ABCB1: variants seen among roughly 807,000 people sequenced by gnomAD.
ABCB1 encodes ATP-dependent translocase ABCB1.
Under a neutral mutation model 142.0 loss-of-function variants are expected in ABCB1, and 69 were observed. The observed-to-expected ratio is 0.49, with a 90% confidence interval of 0.40 to 0.59. ABCB1 has a LOEUF of 0.59. Among genes scored for constraint, ABCB1 ranks in the 20% least tolerant of loss-of-function variants. The pLI is 0.00. For synonymous variants in ABCB1, 532 were observed against 539.2 expected, an observed-to-expected ratio of 0.99 and a Z score of 0.18; for missense variants, 1,326 against 1,554.7, an observed-to-expected ratio of 0.85 and a Z score of 2.47.
chr7:87,598,913 C>T (rs1434327824), intron 2 of ABCB1, among the ~76,000 whole-genome samples: 1 of 152,148 alleles, frequency 6.6e-6, no homozygotes, highest in Non-Finnish European at 1.5e-5. Context: ...AAATTAGCTA[C>T]TGAGGGGTTC....
chr7:87,563,456 C>T (rs1817657515), intron 7 of ABCB1: 1 of 441,270 alleles, frequency 2.3e-6, no homozygotes, highest in Non-Finnish European at 4.6e-6. Flanking sequence ...CATCAAAAAG[C>T]TTATCTACCA....
intron 21 of ABCB1, among the ~76,000 whole-genome samples, chr7:87,530,878 G>GAAAGA (rs1816023692): frequency 9.0e-6 from 1 of 111,314 alleles, no homozygotes; most frequent in African/African-American, 3.4e-5. Flanking sequence ...AGAAAGAAAA[G>GAAAGA]AAAGAAAAAG....
chr7:87,662,219 ATTG>A, intron 1 of ABCB1, among the ~76,000 whole-genome samples: 1 of 152,046 alleles, frequency 6.6e-6, no homozygotes, highest in East Asian at 1.9e-4. Context: ...CACTTTGTTG[ATTG>A]TTTACTTTGC....
At chr7:87,706,520 A>G (rs536274160) in intron 1 of ABCB1, among the ~76,000 whole-genome samples, 28 of 152,334 alleles carry the variant, frequency 1.8e-4, no homozygotes, top group Non-Finnish European at 2.9e-4. Flanking sequence ...ATAAAAGTTG[A>G]ATAAAATATG....
At position 87,541,457 on chromosome 7, in the gene ABCB1, G is replaced by A. The variant is rs769508094; in HGVS notation, c.2219C>T (p.Thr740Ile). 1.4e-5 allele frequency: 22 copies of A among 1,595,742 alleles called. No individual in the cohort carries two copies. The highest frequency in any genetic ancestry group is 1.8e-5 in the Non-Finnish European group (21 of 1,163,438). ...TTTTGTTTCAGGATCATCAATTCTTGTAAAAACCTGTGAGAAAACATTTAA... is the reference window on the plus strand; with the variant it reads ...TTTTGTTTCAGGATCATCAATTCTTATAAAAACCTGTGAGAAAACATTTAA... ...IIFSKIIGVF[T>I]RIDDPETKRQ... Residue 740 changes from threonine (T) to isoleucine (I), a missense_variant, in exon 18 of 28, where the codon ACA becomes ATA. Coordinates refer to ENST00000622132, the MANE Select transcript of ABCB1 (RefSeq NM_001348946.2).
intron 1 of ABCB1, among the ~76,000 whole-genome samples, chr7:87,675,824 A>G (rs1826298668): frequency 6.6e-6 from 1 of 152,120 alleles, no homozygotes. Context: ...AATATAGGGG[A>G]AAAGCTAATT....
chr7:87,688,034 G>T (rs1435487033), intron 1 of ABCB1, among the ~76,000 whole-genome samples: 4 of 151,966 alleles, frequency 2.6e-5, no homozygotes, highest in Non-Finnish European at 5.9e-5. Context: ...ATATACTCAG[G>T]CCAAAACATG....
At position 87,703,885 on chromosome 7, in the gene ABCB1, C is replaced by CTTTTTTTTTTTTTTTTTTTTTTTTTTTTT; in HGVS notation, c.-331+9275_-331+9276insAAAAAAAAAAAAAAAAAAAAAAAAAAAAA. On this transcript the variant is annotated intron_variant, in intron 1 of 28. Coordinates refer to the ABCB1 transcript ENST00000265724. The stretch of plus-strand genomic sequence containing the variant: ...CTTAGGTGAGCTTTATCAGTTTTTT[C>CTTTTTTTTTTTTTTTTTTTTTTTTTTTTT]TTTTTTTTTTTTTTTTTTTTTTTTT... 2.5e-3 allele frequency among the ~76,000 whole-genome samples: 151 copies of CTTTTTTTTTTTTTTTTTTTTTTTTTTTTT among 60,314 alleles called. 9 individuals carry two copies. The highest frequency in any genetic ancestry group is 3.8e-3 in the South Asian group (6 of 1,586). 39.6% of individuals were successfully genotyped at this position (60,314 alleles called of 152,430 possible).
intron 1 of ABCB1, chr7:87,628,905 A>C (rs777845366): frequency 7.6e-7 from 1 of 1,308,186 alleles, no homozygotes; most frequent in Admixed American, 3.1e-5. Context: ...GAGCGCCCGC[A>C]ATGCTGCGGT....
At chr7:87,691,244 T>G (rs1269007519) in intron 1 of ABCB1, among the ~76,000 whole-genome samples, 1 of 152,194 alleles carries the variant, frequency 6.6e-6, no homozygotes, top group East Asian at 1.9e-4. Context: ...TTATTTGATA[T>G]TGAAAAGTAC....
intron 8 of ABCB1, among the ~76,000 whole-genome samples, chr7:87,559,426 A>T (rs1344514349): frequency 6.6e-6 from 1 of 152,020 alleles, no homozygotes; most frequent in African/African-American, 2.4e-5. Flanking sequence ...AGTTTTCCCT[A>T]TTCATTCTTT....
chr7:87,536,377 AC>A (rs1816292586), intron 20 of ABCB1, 80 bp downstream of exon 20: 2 of 1,226,832 alleles, frequency 1.6e-6, no homozygotes, highest in South Asian at 1.2e-5. Flanking sequence ...GATAACTAAC[AC>A]CCGTAAGGAG....
intron 1 of ABCB1, among the ~76,000 whole-genome samples, chr7:87,622,272 A>T (rs1186555545): frequency 1.3e-5 from 2 of 152,150 alleles, no homozygotes; most frequent in Non-Finnish European, 2.9e-5. Flanking sequence ...TTTTTGGAAA[A>T]TATGGGTAAA....
At chr7:87,527,968 A>G (rs1298334039) in intron 21 of ABCB1, among the ~76,000 whole-genome samples, 2 of 152,210 alleles carry the variant, frequency 1.3e-5, no homozygotes, top group Admixed American at 6.5e-5. Context: ...GGGAGGCCTC[A>G]CAATCATGGC....
intron 1 of ABCB1, among the ~76,000 whole-genome samples, chr7:87,649,904 G>A (rs990692599): frequency 1.9e-4 from 29 of 152,166 alleles, no homozygotes; most frequent in Middle Eastern, 3.2e-3. Context: ...GTGCTGCCAT[G>A]TAAGACAACC....
At chr7:87,541,110 A>G (rs909937649) in intron 18 of ABCB1, among the ~76,000 whole-genome samples, 6 of 152,250 alleles carry the variant, frequency 3.9e-5, no homozygotes, top group African/African-American at 4.8e-5. Flanking sequence ...TCCAATCATC[A>G]TATCAGGCCA....
intron 21 of ABCB1, among the ~76,000 whole-genome samples, chr7:87,523,553 CAG>C (rs1270950586): frequency 1.3e-5 from 2 of 152,186 alleles, no homozygotes; most frequent in Non-Finnish European, 2.9e-5. Flanking sequence ...ACTGGCGAGA[CAG>C]AGATTGCAGT....
At chr7:87,686,047 G>A (rs1164227479) in intron 1 of ABCB1, among the ~76,000 whole-genome samples, 3 of 152,044 alleles carry the variant, frequency 2.0e-5, no homozygotes, top group Admixed American at 1.3e-4. Context: ...TCTCTGCTTT[G>A]GAAATGAATC....
intron 1 of ABCB1, among the ~76,000 whole-genome samples, chr7:87,697,263 A>C (rs1350155658): frequency 6.6e-6 from 1 of 152,072 alleles, no homozygotes; most frequent in Non-Finnish European, 1.5e-5. Context: ...TCCCTTGCCT[A>C]TTTCTCTGAC....
Sources: gnomAD v4.1 joint callset for allele counts (sites outside exome capture counted in the v4.1 genomes callset) on GRCh38, gnomAD v4.1.1 for gene constraint, MANE v1.5 for transcripts, NCBI Gene and HGNC (gene_info 2026-07-23, HGNC 2026-07-21) for gene names.